The following PHF24 variants were observed in gnomAD, a reference collection of about 807,000 sequenced individuals.
PHF24 encodes the protein Galpha inhibitory interacting protein.
In PHF24, 25 loss-of-function variants were observed where a neutral mutation model predicts 42.6. That is an observed-to-expected ratio of 0.59 (90% CI 0.43 to 0.82). The LOEUF (loss-of-function observed/expected upper bound fraction) is 0.82. PHF24 is among the 40% of genes least tolerant of loss of function. PHF24 has a pLI of 0.00. For synonymous variants in PHF24, 185 were observed against 204.8 expected, an observed-to-expected ratio of 0.90 and a Z score of 0.83; for missense variants, 470 against 538.1, an observed-to-expected ratio of 0.87 and a Z score of 1.25.
the PHF24 span, among the ~76,000 whole-genome samples, chr9:34,950,284 G>C: frequency 6.7e-6 from 1 of 148,180 alleles, no homozygotes; most frequent in Non-Finnish European, 1.5e-5. Flanking sequence ...AGAGGCGGAG[G>C]TTGCAGTAAG....
At chr9:34,696,274 G>A in the PHF24 span, among the ~76,000 whole-genome samples, 66 of 152,180 alleles carry the variant, frequency 4.3e-4, no homozygotes, top group Non-Finnish European at 8.2e-4. Context: ...GATCACTTGA[G>A]GTCAGGAGTT....
the PHF24 span, chr9:34,726,657 G>A: frequency 6.4e-7 from 1 of 1,551,778 alleles, no homozygotes; most frequent in African/African-American, 1.4e-5. Flanking sequence ...CAGTAATCTT[G>A]TATGCCATCT....
the PHF24 span, chr9:34,917,025 G>C: frequency 1.8e-6 from 1 of 543,396 alleles, no homozygotes; most frequent in African/African-American, 1.9e-5. Context: ...ATTCAAAAGT[G>C]TGAACACAAA....
chr9:34,680,836 T>G, the PHF24 span: 2 of 152,208 alleles, frequency 1.3e-5, no homozygotes, highest in African/African-American at 4.8e-5. Flanking sequence ...ATGTGAAATG[T>G]GTCTATTTTT....
At chr9:34,762,860 G>A in the PHF24 span, among the ~76,000 whole-genome samples, 9 of 152,226 alleles carry the variant, frequency 5.9e-5, no homozygotes, top group East Asian at 5.8e-4. Context: ...AATCCATCTC[G>A]AATTAATTTT....
chr9:34,934,612 G>A, the PHF24 span, among the ~76,000 whole-genome samples: 10 of 148,212 alleles, frequency 6.7e-5, no homozygotes, highest in Admixed American at 4.1e-4. Flanking sequence ...TAAGCCTTTC[G>A]AAATCCCTGA....
chr9:34,790,699 G>C, the PHF24 span, among the ~76,000 whole-genome samples: 64 of 152,200 alleles, frequency 4.2e-4, no homozygotes, highest in African/African-American at 1.4e-3. Flanking sequence ...TAATATGTCA[G>C]ACTCTGATAA....
the PHF24 span, among the ~76,000 whole-genome samples, chr9:34,795,165 CTTGAGGAGG>C: frequency 6.6e-6 from 1 of 151,886 alleles, no homozygotes; most frequent in Non-Finnish European, 1.5e-5. Context: ...TTGAGCATCA[CTTGAGGAGG>C]TTGAGGCTGC....
the PHF24 span, among the ~76,000 whole-genome samples, chr9:34,799,307 C>T: frequency 3.9e-5 from 6 of 152,136 alleles, no homozygotes; most frequent in African/African-American, 7.2e-5. Context: ...TAACATTGGG[C>T]GAGAATCTTC....
chr9:34,975,141 C>T (rs1827141250), intron 3 of PHF24, among the ~76,000 whole-genome samples: 1 of 152,138 alleles, frequency 6.6e-6, no homozygotes, highest in Non-Finnish European at 1.5e-5. Flanking sequence ...CTCCCTTTTG[C>T]CCTCAGAATA....
At chr9:34,811,941 A>C in the PHF24 span, among the ~76,000 whole-genome samples, 4 of 152,240 alleles carry the variant, frequency 2.6e-5, no homozygotes, top group Non-Finnish European at 5.9e-5. Context: ...CCTACAACTC[A>C]ACAAGAAAGA....
chr9:34,880,583 A>T, the PHF24 span, among the ~76,000 whole-genome samples: 1 of 152,194 alleles, frequency 6.6e-6, no homozygotes, highest in Non-Finnish European at 1.5e-5. Context: ...CAGACTTTAA[A>T]CCAACAAAGA....
chr9:34,763,637 C>G, the PHF24 span, among the ~76,000 whole-genome samples: 1 of 152,142 alleles, frequency 6.6e-6, no homozygotes, highest in African/African-American at 2.4e-5. Context: ...ATCATGTCAT[C>G]TGCAAACAGG....
chr9:34,829,572 T>C, the PHF24 span, among the ~76,000 whole-genome samples: 1 of 152,154 alleles, frequency 6.6e-6, no homozygotes, highest in African/African-American at 2.4e-5. Flanking sequence ...GCTAATTACT[T>C]CCTCCTGTGG....
At chr9:34,835,258 A>G in the PHF24 span, 8 of 1,552,252 alleles carry the variant, frequency 5.2e-6, no homozygotes, top group Non-Finnish European at 7.0e-6. Context: ...ATCTGTGAAG[A>G]GAGACCTGAG....
the PHF24 span, among the ~76,000 whole-genome samples, chr9:34,730,035 G>A: frequency 1.3e-5 from 2 of 152,222 alleles, no homozygotes; most frequent in East Asian, 3.9e-4. Context: ...GGTCTGTGTG[G>A]CCTCAAGCTT....
chr9:34,936,078 C>A, the PHF24 span, among the ~76,000 whole-genome samples: 1 of 151,192 alleles, frequency 6.6e-6, no homozygotes, highest in Non-Finnish European at 1.5e-5. Flanking sequence ...TCCCCACGGT[C>A]TCCCTCTCCC....
At chr9:34,680,987 A>G in the PHF24 span, 1 of 152,226 alleles carries the variant, frequency 6.6e-6, no homozygotes, top group African/African-American at 2.4e-5. Context: ...GACGTTAGGT[A>G]TGGCTGTGTG....
chr9:34,948,344 G>A, the PHF24 span, among the ~76,000 whole-genome samples: 1 of 152,132 alleles, frequency 6.6e-6, no homozygotes, highest in African/African-American at 2.4e-5. Flanking sequence ...TAAGTGTACA[G>A]TGTTTATAAA....
Sources: allele counts gnomAD v4.1 joint callset (sites outside exome capture counted in the v4.1 genomes callset), GRCh38; gene constraint gnomAD v4.1.1; transcripts MANE v1.5; gene names NCBI Gene and HGNC (gene_info 2026-07-23, HGNC 2026-07-21).